The following NCAM1 variants were observed in gnomAD, a reference collection of about 807,000 sequenced individuals.
The protein encoded by NCAM1 is neural cell adhesion molecule 1.
Under a neutral mutation model 109.8 loss-of-function variants are expected in NCAM1, and 14 were observed. The observed-to-expected ratio is 0.13, with a 90% confidence interval of 0.08 to 0.20. The LOEUF (loss-of-function observed/expected upper bound fraction) is 0.20, where lower values mean the gene tolerates loss of function less well. NCAM1 is among the 10% of genes least tolerant of loss of function. NCAM1 has a pLI of 1.00. For synonymous variants in NCAM1, 418 were observed against 442.9 expected, an observed-to-expected ratio of 0.94 and a Z score of 0.70; for missense variants, 774 against 1,109.9, an observed-to-expected ratio of 0.70 and a Z score of 4.30.
In NCAM1 at chr11:113,276,292, T is replaced by A. The variant is rs181669390; in HGVS notation, c.*905T>A. ...CAGCTGCTCTTCCCCTCTTTTCTGA[T>A]CTGCAGTTTTTGCCTGGGTCCCACT... On this transcript the variant is annotated 3_prime_UTR_variant, in exon 20 of 20. Transcript: ENST00000316851. 1 of 152,744 alleles carries A rather than the reference T, an allele frequency of 6.5e-6. No individual in the cohort carries two copies. The highest frequency in any genetic ancestry group is 6.5e-5 in the Admixed American group (1 of 15,308). 9.5% of individuals were successfully genotyped at this position (152,744 alleles called of 1,614,324 possible).
intron 1 of NCAM1, among the ~76,000 whole-genome samples, chr11:113,099,192 T>C (rs1219270143): frequency 6.6e-6 from 1 of 152,106 alleles, no homozygotes; most frequent in Non-Finnish European, 1.5e-5. Context: ...CAAACCTAAG[T>C]AGTTTGGTTG....
chr11:113,057,918 A>C (rs2135459668), intron 1 of NCAM1, among the ~76,000 whole-genome samples: 1 of 152,258 alleles, frequency 6.6e-6, no homozygotes, highest in South Asian at 2.1e-4. Context: ...AAGCTATGGA[A>C]GGATATGTAG....
intron 13 of NCAM1, among the ~76,000 whole-genome samples, chr11:113,234,366 G>GT (rs781836756): frequency 6.6e-6 from 1 of 151,300 alleles, no homozygotes; most frequent in Non-Finnish European, 1.5e-5. Flanking sequence ...GCATTAAGTT[G>GT]TAACCATCAC....
intron 1 of NCAM1, among the ~76,000 whole-genome samples, chr11:113,073,556 T>A (rs1331835008): frequency 3.9e-5 from 6 of 152,258 alleles, no homozygotes; most frequent in Non-Finnish European, 5.9e-5. Context: ...ACTTACTGGA[T>A]GATGTTTCTC....
At chr11:113,085,325 G>A (rs1459001879) in intron 1 of NCAM1, among the ~76,000 whole-genome samples, 1 of 152,170 alleles carries the variant, frequency 6.6e-6, no homozygotes. Flanking sequence ...TGACTAGATT[G>A]CAGTTATTAT....
At chr11:112,976,235 A>G (rs1201563288) in intron 1 of NCAM1, among the ~76,000 whole-genome samples, 3 of 151,992 alleles carry the variant, frequency 2.0e-5, no homozygotes, top group Non-Finnish European at 4.4e-5. Flanking sequence ...TTTGTTTGTG[A>G]TAAGTGAGTA....
chr11:113,242,420 G>T (rs1555119286), intron 14 of NCAM1, among the ~76,000 whole-genome samples: 1 of 152,148 alleles, frequency 6.6e-6, no homozygotes, highest in African/African-American at 2.4e-5. Context: ...AGGAGTTCAA[G>T]ACCGGTCTGG....
intron 1 of NCAM1, among the ~76,000 whole-genome samples, chr11:113,166,353 C>A (rs1158095760): frequency 6.6e-6 from 1 of 152,100 alleles, no homozygotes; most frequent in Non-Finnish European, 1.5e-5. Flanking sequence ...CGTAGGAAAA[C>A]ACAGTAATAA....
intron 17 of NCAM1, among the ~76,000 whole-genome samples, chr11:113,260,880 G>A (rs1187879975): frequency 6.6e-6 from 1 of 152,210 alleles, no homozygotes; most frequent in Non-Finnish European, 1.5e-5. Flanking sequence ...AATAGAACAA[G>A]TGGAGAAAAT....
At chr11:113,044,582 G>A (rs1953196858) in intron 1 of NCAM1, among the ~76,000 whole-genome samples, 1 of 151,946 alleles carries the variant, frequency 6.6e-6, no homozygotes, top group Admixed American at 6.5e-5. Flanking sequence ...GTACTTGGGA[G>A]GCTGACGTAG....
chr11:113,163,157 A>G (rs980524997), intron 1 of NCAM1, among the ~76,000 whole-genome samples: 3 of 152,194 alleles, frequency 2.0e-5, no homozygotes, highest in Non-Finnish European at 2.9e-5. Context: ...TCTGCTCAAG[A>G]GAAGATGTCT....
Position 113,273,895 on chromosome 11 carries a change from CAGAG to C in NCAM1, c.2457-1367_2457-1364del, listed in dbSNP as rs782052377. 6 of 205,050 alleles carry C rather than the reference CAGAG, an allele frequency of 2.9e-5. No homozygotes were observed. The highest frequency in any genetic ancestry group is 1.2e-4 in the South Asian group (2 of 16,916). The allele number at this position is 205,050 out of a possible 1,614,324, so 12.7% of individuals were successfully genotyped here. ...CGTCAACCAAGGGGCTGGGATAAGG[CAGAG>C]AGAGCAGGACAGGCAGCTGGGCCCC... On this transcript the variant is annotated intron_variant, in intron 19 of 19. Transcript: ENST00000316851. The surrounding 1 kb of genome is among the most constrained non-coding windows in gnomAD (Gnocchi z 6.0).
At chr11:113,058,684 A>T (rs1953804198) in intron 1 of NCAM1, among the ~76,000 whole-genome samples, 1 of 152,158 alleles carries the variant, frequency 6.6e-6, no homozygotes, top group Admixed American at 6.5e-5. Flanking sequence ...CTTGACCTTT[A>T]AAAAAACTAT....
At chr11:113,068,956 A>G (rs545430050) in intron 1 of NCAM1, among the ~76,000 whole-genome samples, 20 of 152,144 alleles carry the variant, frequency 1.3e-4, no homozygotes, top group Middle Eastern at 3.2e-3. Context: ...CTTAATTTAG[A>G]TGTGAGTAAC....
chr11:113,162,708 G>A (rs968561820), intron 1 of NCAM1, among the ~76,000 whole-genome samples: 5 of 152,156 alleles, frequency 3.3e-5, no homozygotes. Context: ...GTCTCCACCA[G>A]GAATGTTATT....
intron 17 of NCAM1, chr11:113,269,807 T>G: frequency 3.9e-6 from 1 of 254,518 alleles, no homozygotes; most frequent in Non-Finnish European, 7.6e-6. Flanking sequence ...AAATCAGTGA[T>G]CACTGCCTGC....
intron 1 of NCAM1, among the ~76,000 whole-genome samples, chr11:113,052,123 G>A (rs995829376): frequency 9.8e-5 from 15 of 152,324 alleles, no homozygotes; most frequent in African/African-American, 3.6e-4. Context: ...AACTGAATCT[G>A]TGTGGGTAGT....
At chr11:112,994,553 C>A (rs1555071076) in intron 1 of NCAM1, among the ~76,000 whole-genome samples, 1 of 152,176 alleles carries the variant, frequency 6.6e-6, no homozygotes, top group African/African-American at 2.4e-5. Context: ...GCCTGAGATC[C>A]AGAAACCTGG....
chr11:112,988,968 G>A (rs1233431671), intron 1 of NCAM1, among the ~76,000 whole-genome samples: 4 of 151,988 alleles, frequency 2.6e-5, no homozygotes, highest in African/African-American at 4.8e-5. Context: ...GGGTGGTCTC[G>A]AATTCCTGGC....
Sources: allele counts gnomAD v4.1 joint callset (sites outside exome capture counted in the v4.1 genomes callset), GRCh38; gene constraint gnomAD v4.1.1; non-coding constraint Gnocchi (gnomAD v3.1); transcripts MANE v1.5; gene names NCBI Gene and HGNC (gene_info 2026-07-23, HGNC 2026-07-21).